The following DEUP1 variants were observed in gnomAD, a reference collection of about 807,000 sequenced individuals.
The protein encoded by DEUP1 is deuterosome assembly protein 1.
A neutral mutation model predicts 87.4 loss-of-function variants in DEUP1; 82 were observed. That is an observed-to-expected ratio of 0.94 (90% CI 0.78 to 1.13). The LOEUF is 1.13. Among genes scored for constraint, DEUP1 ranks in the 50% most tolerant of loss-of-function variants. The pLI is 0.00. For missense variants in DEUP1, 663 were observed against 681.5 expected (o/e 0.97, Z 0.30); for synonymous variants, 214 against 222.7 (o/e 0.96, Z 0.35).
chr11:93,412,896 T>C (rs1947480818), intron 12 of DEUP1, among the ~76,000 whole-genome samples: 1 of 152,126 alleles, frequency 6.6e-6, no homozygotes, highest in Non-Finnish European at 1.5e-5. Flanking sequence ...GTAATTATAG[T>C]TTGGGAGAAT....
intron 2 of DEUP1, among the ~76,000 whole-genome samples, chr11:93,349,863 A>C (rs1279801026): frequency 6.6e-6 from 1 of 152,198 alleles, no homozygotes; most frequent in Admixed American, 6.5e-5. Flanking sequence ...GTCACCCACT[A>C]TCACTTGCAT....
At position 93,344,970 on chromosome 11, in the gene DEUP1, G is replaced by A. The variant is rs146363243; in HGVS notation, c.30-10401G>A. On this transcript the variant is annotated intron_variant, in intron 2 of 13. Transcript: ENST00000298050. ...TTTCATCATCCACATACTAAGCCTG[G>A]GACCCATTAGTTATTTTTCCTGAGG... 1.3e-4 allele frequency among the ~76,000 whole-genome samples: 19 copies of A among 151,772 alleles called. No individual in the cohort carries two copies. In the East Asian group the frequency reaches 2.9e-3, roughly 23 times the overall value.
intron 13 of DEUP1, among the ~76,000 whole-genome samples, chr11:93,415,530 G>A (rs190826118): frequency 2.4e-4 from 37 of 151,940 alleles, no homozygotes; most frequent in Admixed American, 3.9e-4. Context: ...AATCATAAAT[G>A]GACAGCTTGA....
chr11:93,358,085 A>G (rs1194018506), intron 4 of DEUP1, among the ~76,000 whole-genome samples: 1 of 152,246 alleles, frequency 6.6e-6, no homozygotes, highest in Non-Finnish European at 1.5e-5. Flanking sequence ...ATTGGTCAAT[A>G]TAAATAAAGA....
At chr11:93,377,503 G>A (rs1223464189) in intron 7 of DEUP1, among the ~76,000 whole-genome samples, 1 of 152,006 alleles carries the variant, frequency 6.6e-6, no homozygotes, top group Non-Finnish European at 1.5e-5. Context: ...GTTTGTGTGA[G>A]TCCTTATGTG....
chr11:93,405,684 C>T (rs924110565), intron 11 of DEUP1, among the ~76,000 whole-genome samples: 2 of 151,914 alleles, frequency 1.3e-5, no homozygotes, highest in Non-Finnish European at 2.9e-5. Flanking sequence ...TATTTCTGCA[C>T]TTATTTATTA....
At chr11:93,350,793 T>C (rs971581843) in intron 2 of DEUP1, among the ~76,000 whole-genome samples, 7 of 148,386 alleles carry the variant, frequency 4.7e-5, no homozygotes, top group African/African-American at 1.5e-4. Context: ...CTACTAAAAA[T>C]AGAAAAAAAA....
intron 10 of DEUP1, 119 bp downstream of exon 10, chr11:93,394,775 T>C (rs1946884344): frequency 1.4e-6 from 1 of 692,420 alleles, no homozygotes; most frequent in Non-Finnish European, 2.3e-6. Context: ...TGAGACTAGC[T>C]TCACAGAAAT....
chr11:93,387,112 A>C (rs1946595889), intron 8 of DEUP1, among the ~76,000 whole-genome samples: 1 of 152,136 alleles, frequency 6.6e-6, no homozygotes, highest in East Asian at 1.9e-4. Context: ...CAGCTTTCTT[A>C]TCCTAGAATT....
intron 4 of DEUP1, among the ~76,000 whole-genome samples, chr11:93,357,737 G>C (rs1333491311): frequency 2.6e-5 from 4 of 152,048 alleles, no homozygotes; most frequent in African/African-American, 9.7e-5. Flanking sequence ...ACTTTTTTTG[G>C]AGTACAAATA....
chr11:93,418,891 A>T (rs1196653272), intron 13 of DEUP1, among the ~76,000 whole-genome samples: 1 of 151,688 alleles, frequency 6.6e-6, no homozygotes, highest in Non-Finnish European at 1.5e-5. Flanking sequence ...AGGGATATGG[A>T]TGAAGTTGGA....
At chr11:93,332,129 T>C (rs1013731391) in intron 1 of DEUP1, 87 bp from the exon 2 acceptor site, 148 of 712,556 alleles carry the variant, frequency 2.1e-4, no homozygotes, top group Admixed American at 3.4e-4. Context: ...TCATACTAAA[T>C]GGTTTTTGCC....
chr11:93,415,134 C>A lies in DEUP1; in HGVS notation c.1638+20C>A. 1 of 1,386,008 alleles carries A rather than the reference C, an allele frequency of 7.2e-7. No homozygotes were observed. Among genetic ancestry groups the A allele is most frequent in the Non-Finnish European group, 1.0e-6 (1 of 980,722 alleles). The allele number at this position is 1,386,008 out of a possible 1,614,324, so 85.9% of individuals were successfully genotyped here. On this transcript the variant is annotated intron_variant, in intron 13 of 13. Coordinates refer to ENST00000298050, the MANE Select transcript of DEUP1 (RefSeq NM_181645.4). ...CCACTGGTGAGTTGCTGGTTGTGGG[C>A]TTTTTTTTTCTTTAATGGGTTATTG...
In DEUP1 at chr11:93,432,710, G is replaced by A. The variant is rs144023399; in HGVS notation, c.1639-4833G>A. The stretch of plus-strand genomic sequence containing the variant: ...GTTGCTGAATGGTTATGAGATGGAC[G>A]GGAATAAGCAGAGTTAGGAAGAGAG... On this transcript the variant is annotated intron_variant, in intron 13 of 13. Transcript: ENST00000298050. 5.7e-4 allele frequency among the ~76,000 whole-genome samples: 87 copies of A among 152,234 alleles called. 2 individuals carry two copies. In the East Asian group the frequency reaches 0.013, roughly 23 times the overall value.
At chr11:93,402,794 A>T (rs1427857169) in intron 11 of DEUP1, among the ~76,000 whole-genome samples, 1 of 152,030 alleles carries the variant, frequency 6.6e-6, no homozygotes, top group Non-Finnish European at 1.5e-5. Context: ...GCATGTTCTC[A>T]CTCATATGTG....
chr11:93,427,206 G>A (rs1947948946), intron 13 of DEUP1, among the ~76,000 whole-genome samples: 2 of 150,510 alleles, frequency 1.3e-5, no homozygotes, highest in East Asian at 2.0e-4. Flanking sequence ...GAGGCATCAT[G>A]CTACCTGACT....
Position 93,407,071 on chromosome 11 carries a change from G to A in DEUP1, c.1327-1160G>A, listed in dbSNP as rs79253801. ...AAATGTATAAGATTTATAGGGGAGG[G>A]GGCTGGACATTTTTAAATCAAGGTC... is the stretch of plus-strand genomic sequence containing the variant. On this transcript the variant is annotated intron_variant, in intron 11 of 13. Coordinates refer to ENST00000298050, the MANE Select transcript of DEUP1 (RefSeq NM_181645.4). Among the ~76,000 whole-genome samples, 923 of 151,868 alleles carry A rather than the reference G, an allele frequency of 6.1e-3. 6 individuals are homozygous for A. Among genetic ancestry groups the A allele is most frequent in the African/African-American group, 0.021 (873 of 41,464 alleles).
At chr11:93,406,939 T>C (rs565616891) in intron 11 of DEUP1, among the ~76,000 whole-genome samples, 5 of 152,214 alleles carry the variant, frequency 3.3e-5, no homozygotes, top group African/African-American at 1.2e-4. Context: ...AAAGTTACTA[T>C]TTTTATCTAT....
chr11:93,344,241 G>A (rs1055792678), intron 2 of DEUP1, among the ~76,000 whole-genome samples: 1 of 152,038 alleles, frequency 6.6e-6, no homozygotes. Context: ...TTGACCTTGT[G>A]TATGTCTCGG....
Sources: gnomAD v4.1 joint callset for allele counts (sites outside exome capture counted in the v4.1 genomes callset) on GRCh38, gnomAD v4.1.1 for gene constraint, MANE v1.5 for transcripts, NCBI Gene and HGNC (gene_info 2026-07-23, HGNC 2026-07-21) for gene names.